The following RELCH variants were observed in gnomAD, a reference collection of about 807,000 sequenced individuals.
RELCH encodes RAB11 binding and LisH domain, coiled-coil and HEAT repeat containing.
In RELCH, 41 loss-of-function variants were observed where a neutral mutation model predicts 150.3. The observed-to-expected ratio is 0.27, with a 90% CI of 0.21 to 0.35. The LOEUF is 0.35. RELCH is among the 10% of genes least tolerant of loss of function. The pLI is 1.00. For synonymous variants in RELCH, 478 were observed against 531.8 expected (o/e 0.90, Z 1.39); for missense variants, 1,092 against 1,467.8 (o/e 0.74, Z 4.18).
In RELCH at chr18:62,307,122, A is replaced by G. The variant is rs1287823017; in HGVS notation, c.*1588A>G. Reference sequence around the variant, plus strand: ...TAAAATGTTTTTGCATATGTTTTTGATTTGGTTTGGGCTATGCATTTTACT... The same window carrying G: ...TAAAATGTTTTTGCATATGTTTTTGGTTTGGTTTGGGCTATGCATTTTACT... On this transcript the variant is annotated 3_prime_UTR_variant, in exon 29 of 29. Transcript: ENST00000644646. The G allele has an allele frequency of 2.0e-5, 3 of 152,058 alleles. No individual in the cohort carries two copies. Among genetic ancestry groups the G allele is most frequent in the Non-Finnish European group, 4.4e-5 (3 of 67,978 alleles). The allele number at this position is 152,058 out of a possible 1,614,324, so 9.4% of individuals were successfully genotyped here.
chr18:62,275,389 C>T lies in RELCH; in HGVS notation c.2883C>T (p.Tyr961=). 1 of 1,545,170 alleles carries T rather than the reference C, an allele frequency of 6.5e-7. No individual in the cohort carries two copies. The highest frequency in any genetic ancestry group is 8.7e-7 in the Non-Finnish European group (1 of 1,151,612). The change falls in exon 22 of 29, where the codon TAC becomes TAT. Residue 961 remains tyrosine, a synonymous_variant. Transcript: ENST00000644646. ...SFVELGANPA[Y]HELLLTVLWY... is the part of the protein sequence containing the mutation. ...TTTCTTCTAGTGCAAACCCAGCCTA[C>T]CATGAGTTACTATTAACTGTTTTGT...
intron 22 of RELCH, among the ~76,000 whole-genome samples, 176 bp from the exon 23 acceptor site, chr18:62,279,598 A>G (rs1049388010): frequency 3.3e-5 from 5 of 152,140 alleles, no homozygotes; most frequent in Non-Finnish European, 5.9e-5. Context: ...TTTTCCTCCT[A>G]AGCATTCTCT....
chr18:62,291,854 CTT>C (rs2045156168), intron 27 of RELCH, among the ~76,000 whole-genome samples: 1 of 152,168 alleles, frequency 6.6e-6, no homozygotes, highest in Non-Finnish European at 1.5e-5. Context: ...CTCTCCTTCA[CTT>C]AATATAATGA....
chr18:62,266,572 C>T (rs72949235), intron 18 of RELCH, 129 bp from the exon 19 acceptor site: 1 of 540,658 alleles, frequency 1.8e-6, no homozygotes, highest in South Asian at 2.8e-5. Context: ...CATTTCTGAC[C>T]ACTTAACTTA....
intron 13 of RELCH, among the ~76,000 whole-genome samples, chr18:62,257,408 A>G (rs1319769663): frequency 2.6e-5 from 4 of 152,084 alleles, no homozygotes; most frequent in Admixed American, 6.6e-5. Context: ...CTTCAAAGAA[A>G]TAGGAATGCC....
At chr18:62,262,906 G>A (rs1013579670) in intron 16 of RELCH, among the ~76,000 whole-genome samples, 70 of 151,904 alleles carry the variant, frequency 4.6e-4, no homozygotes, top group Non-Finnish European at 4.4e-5. Flanking sequence ...GGGAAACTGC[G>A]AGGTAAAGGC....
intron 25 of RELCH, chr18:62,284,483 A>G (rs1319627980): frequency 6.6e-6 from 1 of 152,172 alleles, no homozygotes; most frequent in African/African-American, 2.4e-5. Context: ...GTACAACCAG[A>G]TTTTTTTAAG....
intron 1 of RELCH, among the ~76,000 whole-genome samples, chr18:62,208,479 G>A (rs1261377113): frequency 6.6e-6 from 1 of 151,978 alleles, no homozygotes. Flanking sequence ...TCAGAAGAAC[G>A]CAAATTTATT....
At chr18:62,244,619 T>TA (rs1278851730) in intron 10 of RELCH, 145 bp from the exon 11 acceptor site, 1 of 546,924 alleles carries the variant, frequency 1.8e-6, no homozygotes, top group Non-Finnish European at 3.3e-6. Flanking sequence ...TCTCTTGAAT[T>TA]ACCAACCTTA....
At chr18:62,265,189 T>G (rs1334441108) in intron 18 of RELCH, among the ~76,000 whole-genome samples, 1 of 152,068 alleles carries the variant, frequency 6.6e-6, no homozygotes, top group Non-Finnish European at 1.5e-5. Flanking sequence ...TTACTGTCTA[T>G]CACAGGTTCA....
chr18:62,291,608 G>A lies in RELCH; in HGVS notation c.3436G>A (p.Glu1146Lys). The change falls in exon 27 of 29, where the codon GAA (glutamate) becomes AAA (lysine). Residue 1146 changes from glutamate to lysine, a missense_variant. Around this residue, in one of 4 missense-constraint regions of RELCH, gnomAD observed 707 missense variants for 1,025.4 expected, o/e 0.69. Coordinates refer to ENST00000644646, the MANE Select transcript of RELCH (RefSeq NM_001346231.2). ...TCTCAGATGTTTACGGACTGACATG[G>A]AACATCTCTCTCCAGAGCATGAGGT... ...PGLRCLRTDMEHLSPEHEVIL... is the reference protein window; with the variant it reads ...PGLRCLRTDMKHLSPEHEVIL... 6.2e-7 allele frequency: 1 copy of A among 1,608,036 alleles called. No individual in the cohort carries two copies. Among genetic ancestry groups the A allele is most frequent in the East Asian group, 2.2e-5 (1 of 44,526 alleles).
chr18:62,284,389 T>C (rs1259280471), intron 25 of RELCH: 1 of 152,222 alleles, frequency 6.6e-6, no homozygotes, highest in East Asian at 1.9e-4. Flanking sequence ...CTTGAATAGT[T>C]CTAGTAAACC....
chr18:62,275,527 G>A lies in RELCH; in HGVS notation c.2967+54G>A, dbSNP rs866257798. 4 of 904,804 alleles carry A rather than the reference G, an allele frequency of 4.4e-6. No individual in the cohort carries two copies. In the East Asian group the frequency reaches 1.0e-4, roughly 23 times the overall value. The allele number at this position is 904,804 out of a possible 1,614,324, so 56.0% of individuals were successfully genotyped here. A position where few individuals can be genotyped will look rare whatever the true frequency, so the allele number is the denominator to read the frequency against. On this transcript the variant is annotated intron_variant, in intron 22 of 28. Transcript: ENST00000644646. ...CAATTATAATGATTTTTTTTTTTTT[G>A]CGAAGAAGAAGGGAATTTTTTTTAA...
chr18:62,230,151 A>T (rs2041479812), intron 8 of RELCH, among the ~76,000 whole-genome samples: 1 of 152,022 alleles, frequency 6.6e-6, no homozygotes, highest in African/African-American at 2.4e-5. Context: ...AAAAGATTGA[A>T]TGGATTTGGG....
chr18:62,252,073 G>T (rs554648087), intron 11 of RELCH, among the ~76,000 whole-genome samples: 1 of 151,862 alleles, frequency 6.6e-6, no homozygotes, highest in East Asian at 1.9e-4. Flanking sequence ...TAGGCTCACC[G>T]CAACCTCCGC....
intron 20 of RELCH, chr18:62,269,539 T>G (rs2043777121): frequency 8.4e-6 from 2 of 239,492 alleles, no homozygotes; most frequent in African/African-American, 4.6e-5. Context: ...TTTTAAATAA[T>G]TTTGTGCATG....
chr18:62,235,642 T>C (rs1285287856), intron 10 of RELCH, among the ~76,000 whole-genome samples: 1 of 152,064 alleles, frequency 6.6e-6, no homozygotes, highest in Non-Finnish European at 1.5e-5. Context: ...TTGTAATTTT[T>C]AGTATACAAT....
chr18:62,283,620 T>C (rs1229737369), intron 25 of RELCH, among the ~76,000 whole-genome samples: 2 of 152,224 alleles, frequency 1.3e-5, no homozygotes, highest in Admixed American at 6.5e-5. Context: ...GATCAAACTA[T>C]AGAAACACAG....
At chr18:62,234,177 A>G (rs994092759) in intron 10 of RELCH, among the ~76,000 whole-genome samples, 1 of 152,014 alleles carries the variant, frequency 6.6e-6, no homozygotes, top group African/African-American at 2.4e-5. Context: ...GCATAACAGA[A>G]CAAAACATTT....
Sources: allele counts gnomAD v4.1 joint callset (sites outside exome capture counted in the v4.1 genomes callset), GRCh38; gene constraint gnomAD v4.1.1; regional missense constraint gnomAD v4.1.1; transcripts MANE v1.5; gene names NCBI Gene and HGNC (gene_info 2026-07-23, HGNC 2026-07-21).